BANP: variants seen among roughly 807,000 people sequenced by gnomAD.
BANP encodes protein BANP.
BANP carries 11 observed loss-of-function variants against 68.1 expected under a neutral mutation model. That is an observed-to-expected ratio of 0.16 (90% CI 0.10 to 0.27). The LOEUF is 0.27. Ranked by LOEUF, BANP falls within the 10% of genes least tolerant of loss-of-function variation. The pLI is 1.00. For missense variants in BANP, 504 were observed against 722.7 expected (o/e 0.70, Z 3.47); for synonymous variants, 329 against 303.2 (o/e 1.09, Z -0.88).
At chr16:88,046,962 A>T (rs1016426110) in intron 11 of BANP, among the ~76,000 whole-genome samples, 98 of 151,876 alleles carry the variant, frequency 6.5e-4, no homozygotes, top group African/African-American at 2.1e-3. Flanking sequence ...GCTACTCGGG[A>T]GGCTGAGGCA....
At chr16:88,069,557 G>C (rs1443169961) in intron 12 of BANP, among the ~76,000 whole-genome samples, 1 of 152,078 alleles carries the variant, frequency 6.6e-6, no homozygotes, top group Admixed American at 6.5e-5. Flanking sequence ...AGTGCCTCGG[G>C]GACCCAGGTG....
At chr16:87,961,432 C>G (rs946416196) in intron 1 of BANP, among the ~76,000 whole-genome samples, 1 of 147,782 alleles carries the variant, frequency 6.8e-6, no homozygotes, top group East Asian at 1.9e-4. Flanking sequence ...TCCCAAAGTG[C>G]TGGGATTACG....
chr16:88,046,483 C>G (rs921552175), intron 11 of BANP, among the ~76,000 whole-genome samples: 1 of 152,052 alleles, frequency 6.6e-6, no homozygotes, highest in Admixed American at 6.6e-5. Context: ...GCTGTGAGCT[C>G]GTGCAGTCTT....
chr16:87,974,418 C>G (rs2061658415), intron 1 of BANP, among the ~76,000 whole-genome samples: 1 of 152,172 alleles, frequency 6.6e-6, no homozygotes, highest in South Asian at 2.1e-4. Flanking sequence ...GATGGTTCCT[C>G]CTTGGTCATG....
At chr16:87,995,336 G>A (rs1598241472) in intron 4 of BANP, among the ~76,000 whole-genome samples, 1 of 152,162 alleles carries the variant, frequency 6.6e-6, no homozygotes, top group South Asian at 2.1e-4. Flanking sequence ...AGTACATTAC[G>A]TCAAACCAGT....
chr16:88,031,255 G>T (rs1364070764), intron 8 of BANP, among the ~76,000 whole-genome samples: 1 of 152,248 alleles, frequency 6.6e-6, no homozygotes, highest in East Asian at 1.9e-4. Context: ...CATGCAGCAT[G>T]CAGGTGGGCT....
intron 1 of BANP, among the ~76,000 whole-genome samples, chr16:87,973,764 A>AC: frequency 1.2e-5 from 1 of 80,422 alleles, no homozygotes; most frequent in Non-Finnish European, 2.1e-5. Flanking sequence ...AAAAAAAAAA[A>AC]AAAAAAAAAA....
chr16:88,068,684 G>A (rs2089464359), intron 12 of BANP, among the ~76,000 whole-genome samples: 1 of 152,084 alleles, frequency 6.6e-6, no homozygotes, highest in African/African-American at 2.4e-5. Flanking sequence ...GATCCACCCA[G>A]GACAGAGTGA....
intron 11 of BANP, among the ~76,000 whole-genome samples, chr16:88,050,505 G>A (rs375852462): frequency 6.6e-6 from 1 of 152,218 alleles, no homozygotes; most frequent in South Asian, 2.1e-4. Context: ...ACACACACTT[G>A]TTAATGGTTG....
chr16:88,018,282 T>C lies in BANP; in HGVS notation c.656-146T>C, dbSNP rs893707850. 9.3e-5 allele frequency: 97 copies of C among 1,039,502 alleles called. No homozygotes were observed. The African/African-American group carries it at 1.3e-3, about 14-fold the overall frequency. The allele number at this position is 1,039,502 out of a possible 1,614,324, so 64.4% of individuals were successfully genotyped here. Reference sequence around the variant, plus strand: ...CAGCAGTCGGAGGCTCCAGCGCTCTTGGTGACTGCCTCACAAGTTACGAGG... The same window carrying C: ...CAGCAGTCGGAGGCTCCAGCGCTCTCGGTGACTGCCTCACAAGTTACGAGG... On this transcript the variant is annotated intron_variant, in intron 6 of 13. Transcript: ENST00000682872. This position sits in a 1 kb window ranked among gnomAD's most constrained non-coding sequence, Gnocchi z 7.7.
At position 88,076,594 on chromosome 16, in the gene BANP, C is replaced by T; in HGVS notation, c.1526C>T (p.Ala509Val). ...VSDHTAGAQT[A>V]EALQPTLQPE... Reference sequence around the variant, plus strand: ...CCTCCTTTCTCCCTTTTGCAGACGGCCGAAGCCCTGCAGCCCACGCTACAG... The same window carrying T: ...CCTCCTTTCTCCCTTTTGCAGACGGTCGAAGCCCTGCAGCCCACGCTACAG... The change falls in exon 14 of 14, where the codon GCC becomes GTC. Residue 509 changes from alanine (A) to valine (V), a missense_variant. Around this residue, in one of 3 missense-constraint regions of BANP, gnomAD observed 223 missense variants for 246.2 expected, o/e 0.91. Transcript: ENST00000682872. 2 of 1,612,492 alleles carry T rather than the reference C, an allele frequency of 1.2e-6. No homozygotes were observed. Among genetic ancestry groups the T allele is most frequent in the Middle Eastern group, 3.3e-4 (2 of 6,060 alleles).
intron 1 of BANP, among the ~76,000 whole-genome samples, chr16:87,959,649 T>G (rs1201148437): frequency 6.6e-6 from 1 of 152,074 alleles, no homozygotes; most frequent in Non-Finnish European, 1.5e-5. Flanking sequence ...GAGGGACACA[T>G]GGAGCATTGG....
chr16:87,975,548 C>T lies in BANP; in HGVS notation c.70+363C>T, dbSNP rs143292302. 3.5e-3 allele frequency among the ~76,000 whole-genome samples: 523 copies of T among 150,758 alleles called. 3 individuals carry two copies. Among genetic ancestry groups the T allele is most frequent in the South Asian group, 0.011 (51 of 4,786 alleles). On this transcript the variant is annotated intron_variant, in intron 2 of 13. Coordinates refer to ENST00000682872, the MANE Select transcript of BANP (RefSeq NM_001386991.1). ...TCCCCTGTGTGCGGCGTCATGGAAC[C>T]TTACCATGTTGTGTGTGTAATCCCA...
At chr16:87,967,223 T>C (rs1379497271) in intron 1 of BANP, among the ~76,000 whole-genome samples, 1 of 151,422 alleles carries the variant, frequency 6.6e-6, no homozygotes, top group Non-Finnish European at 1.5e-5. Flanking sequence ...TGCAAAGTTT[T>C]GTCTGTCTGT....
chr16:87,993,673 C>T (rs547967699), intron 4 of BANP, among the ~76,000 whole-genome samples: 1 of 151,780 alleles, frequency 6.6e-6, no homozygotes, highest in East Asian at 1.9e-4. Context: ...CGATCTCTTA[C>T]TGTAACCTCC....
At chr16:88,074,809 G>C (rs1008657259) in intron 13 of BANP, among the ~76,000 whole-genome samples, 1 of 152,114 alleles carries the variant, frequency 6.6e-6, no homozygotes, top group Admixed American at 6.5e-5. Context: ...GGCCGGGCTC[G>C]CAGGAGACAG....
At chr16:87,950,062 A>G (rs563823667), upstream of BANP, among the ~76,000 whole-genome samples, 63 of 152,038 alleles carry the variant, frequency 4.1e-4, no homozygotes, top group African/African-American at 1.5e-3. Flanking sequence ...TATTTTTAGT[A>G]GAGACGGGGT....
chr16:88,076,322 G>A (rs866775162), intron 13 of BANP, among the ~76,000 whole-genome samples: 2 of 146,108 alleles, frequency 1.4e-5, no homozygotes, highest in Non-Finnish European at 3.0e-5. Context: ...CTGCTGCGCC[G>A]GCCCCGGTGA....
intron 8 of BANP, among the ~76,000 whole-genome samples, chr16:88,031,985 A>G (rs2078279028): frequency 6.6e-6 from 1 of 151,992 alleles, no homozygotes; most frequent in South Asian, 2.1e-4. Context: ...TTGTATTTTT[A>G]GTAGAGACGG....
Sources: gnomAD v4.1 joint callset for allele counts (sites outside exome capture counted in the v4.1 genomes callset) on GRCh38, gnomAD v4.1.1 for gene constraint, gnomAD v4.1.1 regional missense constraint, Gnocchi (gnomAD v3.1) non-coding constraint, MANE v1.5 for transcripts, NCBI Gene and HGNC (gene_info 2026-07-23, HGNC 2026-07-21) for gene names.